The following SFI1 variants were observed in gnomAD, a reference collection of about 807,000 sequenced individuals.
The protein encoded by SFI1 is SFI1 centrin binding protein.
Under a neutral mutation model 207.5 loss-of-function variants are expected in SFI1, and 195 were observed. The ratio of observed to expected loss-of-function variants is 0.94; its 90% CI spans 0.84 to 1.06. The LOEUF is 1.06. Ranked by LOEUF, SFI1 falls within the 50% of genes least tolerant of loss-of-function variation. SFI1 has a pLI of 0.00. For missense variants in SFI1, 1,634 were observed against 1,588.0 expected (o/e 1.03, Z -0.49); for synonymous variants, 630 against 598.9 (o/e 1.05, Z -0.76).
intron 29 of SFI1, chr22:31,616,430 C>A: frequency 3.2e-6 from 1 of 310,876 alleles, no homozygotes; most frequent in Non-Finnish European, 5.9e-6. Flanking sequence ...GAGCTTAGAG[C>A]AGGTGGGGGT....
In SFI1 at chr22:31,546,092, A is replaced by G. The variant is rs545488947; in HGVS notation, c.339-769A>G. On this transcript the variant is annotated intron_variant, in intron 4 of 32. Transcript: ENST00000400288. ...TTATTTTTTGTAGAGATTGGGTTCC[A>G]CCATGTCACCCAACCTGGTCCTGAA... Among the ~76,000 whole-genome samples, 3 of 151,104 alleles carry G rather than the reference A, an allele frequency of 2.0e-5. No individual in the cohort carries two copies. In the South Asian group the frequency reaches 6.3e-4, roughly 32 times the overall value.
chr22:31,585,236 G>A (rs556177609), intron 14 of SFI1, 102 bp downstream of exon 14: 23 of 983,772 alleles, frequency 2.3e-5, no homozygotes, highest in African/African-American at 2.0e-4. Context: ...AAGTCTTATC[G>A]TTCTGCTTTG....
intron 1 of SFI1, among the ~76,000 whole-genome samples, chr22:31,505,172 C>T (rs2054426777): frequency 6.6e-6 from 1 of 152,180 alleles, no homozygotes; most frequent in Non-Finnish European, 1.5e-5. Context: ...GGCACAGTGG[C>T]TCACGCCTAT....
intron 6 of SFI1, among the ~76,000 whole-genome samples, chr22:31,553,849 T>TG (rs2060889407): frequency 8.8e-6 from 1 of 113,014 alleles, no homozygotes; most frequent in Non-Finnish European, 1.9e-5. Context: ...TTTTTTTTTT[T>TG]TTTTTTTTTT....
chr22:31,616,624 G>A (rs544689351), intron 29 of SFI1, 121 bp from the exon 30 acceptor site: 5 of 1,103,054 alleles, frequency 4.5e-6, no homozygotes, highest in African/African-American at 3.1e-5. Flanking sequence ...CCCAGCTCCT[G>A]CAGCTGGGAG....
In SFI1 at chr22:31,611,189, G is replaced by C; in HGVS notation, c.2301G>C (p.Arg767Ser). The change falls in exon 23 of 33, where the codon AGG becomes AGC. Residue 767 changes from arginine (R) to serine (S), a missense_variant. Transcript: ENST00000400288. ...WFQRWWDCSR[R>S]SAQQRLQLER... ...AGCGCTGGTGGGACTGCAGCCGGAG[G>C]TCAGCCCAGCAGAGACTGCAGCTGG... 6.2e-7 allele frequency: 1 copy of C among 1,614,124 alleles called. No individual in the cohort carries two copies.
At chr22:31,571,565 T>C (rs1352617676) in intron 8 of SFI1, among the ~76,000 whole-genome samples, 1 of 151,960 alleles carries the variant, frequency 6.6e-6, no homozygotes, top group Non-Finnish European at 1.5e-5. Flanking sequence ...TCCTCCTGCC[T>C]TGGGCTCCCA....
In SFI1 at chr22:31,611,242, A is replaced by G; in HGVS notation, c.2354A>G (p.Gln785Arg). The G allele has an allele frequency of 6.2e-7, 1 of 1,613,626 alleles. No homozygotes were observed. Among genetic ancestry groups the G allele is most frequent in the Non-Finnish European group, 8.5e-7 (1 of 1,179,850 alleles). ...LERAVQHHHR[Q>R]LLLEGLARWK... ...AGGGCAGTGCAACACCACCACCGGC[A>G]GCTGCTGCTGGAGGGGCTGGCCCGG... The change falls in exon 23 of 33, where the codon CAG becomes CGG. Residue 785 changes from glutamine (Q) to arginine (R), a missense_variant. Coordinates refer to ENST00000400288, the MANE Select transcript of SFI1 (RefSeq NM_001007467.3).
intron 7 of SFI1, among the ~76,000 whole-genome samples, chr22:31,560,693 A>ACGCCTG: frequency 7.2e-6 from 1 of 139,086 alleles, no homozygotes; most frequent in Admixed American, 7.3e-5. Context: ...GTGAGCCACC[A>ACGCCTG]CGCCTGGCCT....
chr22:31,604,943 G>A lies in SFI1; in HGVS notation c.2052G>A (p.Leu684=). ...ARESQHNRQL[L]RGALRRWKEN... is the part of the protein sequence containing the mutation. ...AGAGCCAGCACAACAGGCAGCTGCT[G>A]CGGTGAGTCTCCCGGGCGCCTCCCA... is the stretch of plus-strand genomic sequence containing the variant. Residue 684 remains leucine (L), a splice_region_variant and synonymous_variant, in exon 20 of 33, where the codon CTG becomes CTA. Transcript: ENST00000400288. 1 of 1,605,950 alleles carries A rather than the reference G, an allele frequency of 6.2e-7. No individual in the cohort carries two copies.
chr22:31,588,273 A>T (rs2065304301), intron 14 of SFI1, among the ~76,000 whole-genome samples: 1 of 152,228 alleles, frequency 6.6e-6, no homozygotes, highest in Non-Finnish European at 1.5e-5. Context: ...CCTCTCTGTG[A>T]GGCTTGGGCT....
At chr22:31,573,396 T>G (rs562771359) in intron 9 of SFI1, among the ~76,000 whole-genome samples, 182 bp downstream of exon 9, 1 of 152,300 alleles carries the variant, frequency 6.6e-6, no homozygotes, top group South Asian at 2.1e-4. Context: ...GGGCTTTTAT[T>G]TATATATCTG....
intron 2 of SFI1, among the ~76,000 whole-genome samples, chr22:31,525,604 C>A (rs2057812379): frequency 3.9e-5 from 6 of 152,102 alleles, no homozygotes; most frequent in Admixed American, 3.9e-4. Context: ...GTAGTTGCAG[C>A]TCCTCAGGAG....
chr22:31,607,936 G>C lies in SFI1; in HGVS notation c.2158-1G>C, dbSNP rs1404764794. 6.2e-7 allele frequency: 1 copy of C among 1,613,800 alleles called. No individual in the cohort carries two copies. Among genetic ancestry groups the C allele is most frequent in the Non-Finnish European group, 8.5e-7 (1 of 1,179,756 alleles). On this transcript the variant is annotated splice_acceptor_variant, in intron 21 of 32. Coordinates refer to ENST00000400288, the MANE Select transcript of SFI1 (RefSeq NM_001007467.3). LOFTEE classifies it high-confidence loss of function. Reference sequence around the variant, plus strand: ...TTGCTGTGCTCCTTGCCTGCCCATAGGTCCTGGTCCAGTGGCGGGAAGCTG... The same window carrying C: ...TTGCTGTGCTCCTTGCCTGCCCATACGTCCTGGTCCAGTGGCGGGAAGCTG...
intron 6 of SFI1, among the ~76,000 whole-genome samples, chr22:31,556,257 C>G (rs2061154343): frequency 6.9e-6 from 1 of 145,888 alleles, no homozygotes; most frequent in African/African-American, 2.5e-5. Flanking sequence ...GAGTCTTGCT[C>G]TGTCGCCCAG....
At chr22:31,536,209 G>C (rs996459918) in intron 4 of SFI1, among the ~76,000 whole-genome samples, 1 of 152,052 alleles carries the variant, frequency 6.6e-6, no homozygotes, top group East Asian at 1.9e-4. Flanking sequence ...AGCTGTTTCA[G>C]TTCTTATGTG....
At chr22:31,564,600 G>T (rs1428832223) in intron 8 of SFI1, among the ~76,000 whole-genome samples, 3 of 151,954 alleles carry the variant, frequency 2.0e-5, no homozygotes, top group African/African-American at 7.2e-5. Flanking sequence ...GACCTCCCAG[G>T]CTTAAGTGAT....
intron 15 of SFI1, among the ~76,000 whole-genome samples, chr22:31,597,431 A>T (rs1248010722): frequency 6.6e-6 from 1 of 152,130 alleles, no homozygotes; most frequent in Non-Finnish European, 1.5e-5. Context: ...GAGCAGAGTG[A>T]TTGAGAGTCT....
intron 11 of SFI1, 95 bp downstream of exon 11, chr22:31,578,547 C>A: frequency 1.7e-6 from 2 of 1,143,388 alleles, no homozygotes; most frequent in South Asian, 1.6e-5. Context: ...TCATTAAATG[C>A]AGTCAGCTAT....
Sources: gnomAD v4.1 joint callset for allele counts (sites outside exome capture counted in the v4.1 genomes callset) on GRCh38, gnomAD v4.1.1 for gene constraint, MANE v1.5 for transcripts, NCBI Gene and HGNC (gene_info 2026-07-23, HGNC 2026-07-21) for gene names.